The following PLAAT3 variants were observed in gnomAD, a reference collection of about 807,000 sequenced individuals.
The protein encoded by PLAAT3 is phospholipase A and acyltransferase 3.
PLAAT3 carries 21 observed loss-of-function variants against 16.7 expected under a neutral mutation model. That is an observed-to-expected ratio of 1.26 (90% confidence interval 0.89 to 1.81). PLAAT3 has a LOEUF of 1.81. Among genes scored for constraint, PLAAT3 ranks in the 40% most tolerant of loss-of-function variants. The pLI, the probability that PLAAT3 is intolerant of heterozygous loss-of-function variation, is 0.00. For synonymous variants in PLAAT3, 76 were observed against 81.7 expected (o/e 0.93, Z 0.38); for missense variants, 219 against 213.7 (o/e 1.02, Z -0.16).
intron 4 of PLAAT3, among the ~76,000 whole-genome samples, chr11:63,581,373 C>T (rs1937810448): frequency 6.6e-6 from 1 of 152,098 alleles, no homozygotes; most frequent in Non-Finnish European, 1.5e-5. Context: ...GGAATGCATT[C>T]CTGGGGGTAG....
chr11:63,612,035 G>T (rs1002535329), intron 2 of PLAAT3, among the ~76,000 whole-genome samples: 4 of 152,338 alleles, frequency 2.6e-5, no homozygotes, highest in African/African-American at 9.6e-5. Context: ...CTACTTGGGA[G>T]GCTGAAGCAG....
upstream of PLAAT3, among the ~76,000 whole-genome samples, chr11:63,615,365 CAT>C (rs1323983405): frequency 3.9e-4 from 15 of 38,526 alleles, 2 homozygotes; most frequent in East Asian, 9.6e-4. Flanking sequence ...TATATGTGTG[CAT>C]ATATATGTGT....
chr11:63,587,440 T>A (rs1463150211), intron 4 of PLAAT3, among the ~76,000 whole-genome samples: 1 of 151,638 alleles, frequency 6.6e-6, no homozygotes, highest in Non-Finnish European at 1.5e-5. Context: ...AAAAAAAAAA[T>A]ATTATTTCTA....
intron 4 of PLAAT3, among the ~76,000 whole-genome samples, chr11:63,584,289 C>CTTTTTTTTTTT (rs532324070): frequency 8.1e-6 from 1 of 123,474 alleles, no homozygotes; most frequent in African/African-American, 3.0e-5. Context: ...CTTCTGGTTG[C>CTTTTTTTTTTT]TTTTTTTTTT....
At chr11:63,610,199 C>T (rs778529526) in intron 2 of PLAAT3, among the ~76,000 whole-genome samples, 14 of 152,230 alleles carry the variant, frequency 9.2e-5, no homozygotes, top group Non-Finnish European at 1.8e-4. Flanking sequence ...TCACCGCACT[C>T]TCGGCCTGAA....
Position 63,590,103 on chromosome 11 carries a change from G to A in PLAAT3, c.384C>T (p.Asp128=), listed in dbSNP as rs1938105994. 1 of 1,613,070 alleles carries A rather than the reference G, an allele frequency of 6.2e-7. No individual in the cohort carries two copies. The highest frequency in any genetic ancestry group is 8.5e-7 in the Non-Finnish European group (1 of 1,179,404). ...GCGACACAGGCAGAGGACGCACCTG[G>A]TCACTGCGGGCGACTCCATAGCGCA... The part of the protein sequence containing the change: ...NELRYGVARS[D]QVRDVIIAAS... Residue 128 remains aspartate (D), a synonymous_variant, in exon 4 of 5, where the codon GAC becomes GAT. Transcript: ENST00000415826.
chr11:63,599,969 T>C (rs148375419), intron 2 of PLAAT3, among the ~76,000 whole-genome samples: 7 of 152,238 alleles, frequency 4.6e-5, no homozygotes, highest in African/African-American at 1.4e-4. Flanking sequence ...AGCCCTCACA[T>C]AGAACATGCT....
Position 63,575,035 on chromosome 11 carries a change from G to A in PLAAT3, c.399C>T (p.Val133=). Residue 133 remains valine, a synonymous_variant, in exon 5 of 5, where the codon GTC becomes GTT. Transcript: ENST00000415826. ...TTCCTGCAACGCTTGCAGCGATGAT[G>A]ACATCTCTGACCTGCAACAAAGAAG... The part of the protein sequence containing the change: ...GVARSDQVRD[V]IIAASVAGMG... 1 of 1,608,552 alleles carries A rather than the reference G, an allele frequency of 6.2e-7. No individual in the cohort carries two copies. The highest frequency in any genetic ancestry group is 8.5e-7 in the Non-Finnish European group (1 of 1,175,024).
intron 4 of PLAAT3, among the ~76,000 whole-genome samples, chr11:63,579,637 T>C (rs916311192): frequency 7.6e-5 from 11 of 143,864 alleles, no homozygotes; most frequent in African/African-American, 2.6e-4. Flanking sequence ...AAACCAAACA[T>C]CGCATGTTCT....
chr11:63,582,087 A>G (rs988357428), intron 4 of PLAAT3, among the ~76,000 whole-genome samples: 1 of 152,224 alleles, frequency 6.6e-6, no homozygotes, highest in South Asian at 2.1e-4. Context: ...CAATAGGAAA[A>G]TAATGCACTT....
intron 2 of PLAAT3, among the ~76,000 whole-genome samples, chr11:63,613,185 G>C (rs1032683569): frequency 4.6e-5 from 7 of 152,186 alleles, no homozygotes; most frequent in Admixed American, 4.6e-4. Context: ...ACCGAGGCGG[G>C]CGGAGCACGA....
At chr11:63,614,139 G>C in intron 1 of PLAAT3, 71 bp from the exon 2 acceptor site, 1 of 1,338,550 alleles carries the variant, frequency 7.5e-7, no homozygotes, top group Non-Finnish European at 1.1e-6. Flanking sequence ...CGGGACTGCG[G>C]CTTCTGTTGG....
chr11:63,614,216 GC>G lies in PLAAT3; in HGVS notation c.-54-149del, dbSNP rs1938772143. The G allele has an allele frequency of 4.0e-5, 26 of 653,058 alleles. No individual in the cohort carries two copies. The South Asian group carries it at 5.2e-4, about 13-fold the overall frequency. 40.5% of individuals were successfully genotyped at this position (653,058 alleles called of 1,614,324 possible). A position where few individuals can be genotyped will look rare whatever the true frequency, so the allele number is the denominator to read the frequency against. On this transcript the variant is annotated intron_variant, in intron 1 of 4. Transcript: ENST00000415826. ...CCTCGCTCCCTTTAACAACTTTCTC[GC>G]CGGGGCCCGGCGGGCGCCCAGGAGG...
At chr11:63,591,414 A>C (rs992207987) in intron 3 of PLAAT3, among the ~76,000 whole-genome samples, 32 of 152,038 alleles carry the variant, frequency 2.1e-4, no homozygotes, top group Non-Finnish European at 4.3e-4. Flanking sequence ...GTAGGTATGC[A>C]CTCAAGGGAT....
intron 2 of PLAAT3, among the ~76,000 whole-genome samples, chr11:63,609,758 T>G (rs193278125): frequency 4.8e-4 from 73 of 152,196 alleles, no homozygotes; most frequent in African/African-American, 1.6e-3. Context: ...TACTGGCAGC[T>G]CTGGCAGGCA....
chr11:63,581,032 A>G (rs1447822798), intron 4 of PLAAT3, among the ~76,000 whole-genome samples: 1 of 152,234 alleles, frequency 6.6e-6, no homozygotes, highest in South Asian at 2.1e-4. Flanking sequence ...CACTTCCCCA[A>G]TTAATACTCT....
chr11:63,611,799 G>T (rs1354830201), intron 2 of PLAAT3, among the ~76,000 whole-genome samples: 1 of 152,186 alleles, frequency 6.6e-6, no homozygotes, highest in Non-Finnish European at 1.5e-5. Context: ...CATTTTCTCT[G>T]ATTTTTGCAG....
chr11:63,601,944 C>A (rs1454976384), intron 2 of PLAAT3, among the ~76,000 whole-genome samples: 1 of 127,724 alleles, frequency 7.8e-6, no homozygotes, highest in Non-Finnish European at 1.6e-5. Flanking sequence ...TGCACCATTG[C>A]ATTCCAGCCT....
Position 63,576,614 on chromosome 11 carries a change from A to G in PLAAT3, c.388-1568T>C, listed in dbSNP as rs189075161. ...CTCCGTCCTTGGCAACACAGCAAGA[A>G]TGAGGTGAGGTACTGTTTATATAAA... On this transcript the variant is annotated intron_variant, in intron 4 of 4. Transcript: ENST00000415826. 1.7e-4 allele frequency among the ~76,000 whole-genome samples: 26 copies of G among 152,340 alleles called. No individual in the cohort carries two copies. In the East Asian group the frequency reaches 4.6e-3, roughly 27 times the overall value.
Sources: gnomAD v4.1 joint callset for allele counts (sites outside exome capture counted in the v4.1 genomes callset) on GRCh38, gnomAD v4.1.1 for gene constraint, MANE v1.5 for transcripts, NCBI Gene and HGNC (gene_info 2026-07-23, HGNC 2026-07-21) for gene names.